The following UNC5D variants were observed in gnomAD, a reference collection of about 807,000 sequenced individuals.
The protein encoded by UNC5D is unc-5 netrin receptor D, also known as netrin receptor UNC5D.
In UNC5D, 39 loss-of-function variants were observed where a neutral mutation model predicts 105.4. The ratio of observed to expected loss-of-function variants is 0.37; its 90% confidence interval spans 0.29 to 0.48. UNC5D has a LOEUF of 0.48. Ranked by LOEUF, UNC5D falls within the 20% of genes least tolerant of loss-of-function variation. The pLI, the probability that UNC5D is intolerant of heterozygous loss-of-function variation, is 0.98. For missense variants in UNC5D, 991 were observed against 1,202.4 expected, an observed-to-expected ratio of 0.82 and a Z score of 2.60; for synonymous variants, 452 against 450.4, an observed-to-expected ratio of 1.00 and a Z score of -0.04.
chr8:35,760,481 G>T (rs956881911), intron 14 of UNC5D, among the ~76,000 whole-genome samples: 1 of 151,976 alleles, frequency 6.6e-6, no homozygotes, highest in African/African-American at 2.4e-5. Flanking sequence ...GTTATTTCAA[G>T]TACATGCTTA....
At chr8:35,375,838 A>G (rs995211518) in intron 1 of UNC5D, among the ~76,000 whole-genome samples, 1 of 152,184 alleles carries the variant, frequency 6.6e-6, no homozygotes, top group Non-Finnish European at 1.5e-5. Context: ...TTTGTGTTAG[A>G]GCCCAGGGCA....
At chr8:35,714,288 A>G (rs1306589051) in intron 8 of UNC5D, among the ~76,000 whole-genome samples, 1 of 152,230 alleles carries the variant, frequency 6.6e-6, no homozygotes, top group African/African-American at 2.4e-5. Flanking sequence ...TGAAGAGGTA[A>G]GAATGAGTGA....
chr8:35,762,579 T>C (rs918691597), intron 14 of UNC5D, among the ~76,000 whole-genome samples: 11 of 152,082 alleles, frequency 7.2e-5, no homozygotes, highest in Non-Finnish European at 1.3e-4. Flanking sequence ...GAATATGTGA[T>C]TTTCGCCTCT....
intron 1 of UNC5D, among the ~76,000 whole-genome samples, chr8:35,348,614 C>T (rs564134090): frequency 3.3e-5 from 5 of 151,702 alleles, no homozygotes; most frequent in South Asian, 4.1e-4. Context: ...TTTCAAAGAA[C>T]GACAATGAGA....
intron 1 of UNC5D, among the ~76,000 whole-genome samples, chr8:35,489,156 G>A (rs1481927868): frequency 6.6e-6 from 1 of 151,892 alleles, no homozygotes; most frequent in East Asian, 1.9e-4. Context: ...ACAAGTCCGT[G>A]CTGCCACATC....
chr8:35,759,202 T>C (rs1830646278), intron 13 of UNC5D, 118 bp from the exon 14 acceptor site: 3 of 1,125,206 alleles, frequency 2.7e-6, no homozygotes, highest in Non-Finnish European at 2.5e-6. Flanking sequence ...GTTTCTCCTA[T>C]GCTCTCTGTC....
chr8:35,400,134 T>A (rs896365759), intron 1 of UNC5D, among the ~76,000 whole-genome samples: 5 of 152,114 alleles, frequency 3.3e-5, no homozygotes, highest in Non-Finnish European at 7.4e-5. Flanking sequence ...ATTAGGTAGT[T>A]GCACCAGCCT....
chr8:35,657,831 A>G lies in UNC5D; in HGVS notation c.571-25716A>G, dbSNP rs545797291. 5.3e-5 allele frequency among the ~76,000 whole-genome samples: 8 copies of G among 152,308 alleles called. No individual in the cohort carries two copies. In the South Asian group the frequency reaches 1.5e-3, roughly 28 times the overall value. On this transcript the variant is annotated intron_variant, in intron 4 of 16. Transcript: ENST00000404895. ...AGCAATTTAATACTAGCAAATATCT[A>G]TACATTTGACATCTAGAGAGGGGAA...
At chr8:35,351,926 G>C (rs986966598) in intron 1 of UNC5D, among the ~76,000 whole-genome samples, 1 of 152,012 alleles carries the variant, frequency 6.6e-6, no homozygotes, top group African/African-American at 2.4e-5. Context: ...TGGTTAACTG[G>C]TGGTACCAGT....
chr8:35,748,737 T>A, intron 12 of UNC5D, 42 bp downstream of exon 12: 1 of 1,598,378 alleles, frequency 6.3e-7, no homozygotes, highest in Non-Finnish European at 8.5e-7. Context: ...GGGATTTGGG[T>A]TCCACCTATG....
chr8:35,754,367 T>TA (rs1830419923), intron 13 of UNC5D, among the ~76,000 whole-genome samples: 2 of 152,220 alleles, frequency 1.3e-5, no homozygotes, highest in African/African-American at 4.8e-5. Flanking sequence ...ACATGGTTGT[T>TA]ACAGCTGCTG....
chr8:35,253,756 TGG>T (rs1385101322), intron 1 of UNC5D, among the ~76,000 whole-genome samples: 1 of 152,070 alleles, frequency 6.6e-6, no homozygotes, highest in Admixed American at 6.6e-5. Flanking sequence ...CCCAAAATGC[TGG>T]GATTATAGGT....
intron 1 of UNC5D, among the ~76,000 whole-genome samples, chr8:35,300,446 CAAAAAAAAAAAAAAAA>C (rs752599540): frequency 3.4e-5 from 2 of 58,398 alleles, no homozygotes; most frequent in African/African-American, 1.3e-4. Context: ...GACTCCCTCT[CAAAAAAAAAAAAAAAA>C]AAAAAAAAAA....
chr8:35,533,755 C>T (rs1004420388), intron 1 of UNC5D, among the ~76,000 whole-genome samples: 10 of 152,284 alleles, frequency 6.6e-5, no homozygotes, highest in East Asian at 1.9e-4. Context: ...CGTGGTTCGC[C>T]GTTTTTTTAG....
At chr8:35,727,305 A>G in intron 10 of UNC5D, 1 of 152,204 alleles carries the variant, frequency 6.6e-6, no homozygotes, top group East Asian at 1.9e-4. Context: ...TAGTGCACTG[A>G]AGCAGGTAGT....
At chr8:35,269,746 G>T (rs1376163685) in intron 1 of UNC5D, among the ~76,000 whole-genome samples, 1 of 152,118 alleles carries the variant, frequency 6.6e-6, no homozygotes, top group Non-Finnish European at 1.5e-5. Context: ...TACTTTAGTA[G>T]TCTATTTCAT....
intron 1 of UNC5D, among the ~76,000 whole-genome samples, chr8:35,422,072 C>CTAA: frequency 6.6e-6 from 1 of 152,252 alleles, no homozygotes; most frequent in South Asian, 2.1e-4. Flanking sequence ...TGTGGTAAAC[C>CTAA]ATGAACGGTA....
intron 4 of UNC5D, among the ~76,000 whole-genome samples, chr8:35,661,037 G>A (rs1020306861): frequency 6.6e-6 from 1 of 151,952 alleles, no homozygotes; most frequent in Non-Finnish European, 1.5e-5. Context: ...GTTCAAGCCT[G>A]CAGTAAGCTA....
chr8:35,371,637 G>C (rs917080837), intron 1 of UNC5D, among the ~76,000 whole-genome samples: 14 of 152,178 alleles, frequency 9.2e-5, no homozygotes, highest in African/African-American at 3.4e-4. Context: ...TTATGCATTT[G>C]TAGCTATCAA....
Sources: gnomAD v4.1 joint callset for allele counts (sites outside exome capture counted in the v4.1 genomes callset) on GRCh38, gnomAD v4.1.1 for gene constraint, MANE v1.5 for transcripts, NCBI Gene and HGNC (gene_info 2026-07-23, HGNC 2026-07-21) for gene names.